SRMS: variants seen among roughly 807,000 people sequenced by gnomAD.
SRMS encodes tyrosine-protein kinase Srms.
Under a neutral mutation model 43.5 loss-of-function variants are expected in SRMS, and 42 were observed. That is an observed-to-expected ratio of 0.97 (90% confidence interval 0.75 to 1.25). The LOEUF (loss-of-function observed/expected upper bound fraction) is 1.25, where lower values mean the gene tolerates loss of function less well. Ranked by LOEUF, SRMS falls within the 50% of genes most tolerant of loss-of-function variation. The pLI is 0.00. For synonymous variants in SRMS, 316 were observed against 308.2 expected (o/e 1.03, Z -0.27); for missense variants, 703 against 681.0 (o/e 1.03, Z -0.36).
rs776455499 is a variant in SRMS at position 63,540,617 on chromosome 20, G to A, written c.*201C>T. Among the ~76,000 whole-genome samples, 3 of 152,206 alleles carry A rather than the reference G, an allele frequency of 2.0e-5. No homozygotes were observed. The highest frequency in any genetic ancestry group is 2.1e-4 in the South Asian group (1 of 4,832). On this transcript the variant is annotated 3_prime_UTR_variant, in exon 8 of 8. Coordinates refer to ENST00000217188, the MANE Select transcript of SRMS (RefSeq NM_080823.4). ...GTCAGCCCCAGCCCTCCGTCTGCAC[G>A]AGTCACACTGCACGGGGGACGTCAG... is the stretch of plus-strand genomic sequence containing the variant.
rs1021120043 is a variant in SRMS, at chr20:63,540,314, C to T, written c.*504G>A. Among the ~76,000 whole-genome samples, 1 of 152,182 alleles carries T rather than the reference C, an allele frequency of 6.6e-6. No homozygotes were observed. Among genetic ancestry groups the T allele is most frequent in the Non-Finnish European group, 1.5e-5 (1 of 68,028 alleles). On this transcript the variant is annotated 3_prime_UTR_variant, in exon 8 of 8. Transcript: ENST00000217188. ...TCAGCACTGGTCATTTCCACAAACC[C>T]AAGCTGGGACTAGGGAGAGAACTGG... is the stretch of plus-strand genomic sequence containing the variant.
At chr20:63,541,152 C>T in intron 7 of SRMS, 39 bp downstream of exon 7, 1 of 1,548,960 alleles carries the variant, frequency 6.5e-7, no homozygotes. Context: ...GACTCCTGGG[C>T]AGAGCCTGCA....
Position 63,540,823 on chromosome 20 carries a change from G to C in SRMS, c.1462C>G (p.Pro488Ala). The change falls in exon 8 of 8, where the codon CCC (proline) becomes GCC (alanine). Residue 488 changes from proline (P) to alanine (A), a missense_variant. Transcript: ENST00000217188. ...EKLHAIHRCH[P>A] ...GCGTTGGGTCACGTGAGGACTCAGG[G>C]GTGGCATCTGTGGATGGCGTGCAGC... 6.2e-7 allele frequency: 1 copy of C among 1,600,714 alleles called. No individual in the cohort carries two copies. The highest frequency in any genetic ancestry group is 1.1e-5 in the South Asian group (1 of 90,832).
chr20:63,539,936 C>T lies in SRMS; in HGVS notation c.*882G>A, dbSNP rs2082693352. On this transcript the variant is annotated 3_prime_UTR_variant, in exon 8 of 8. Transcript: ENST00000217188. The stretch of plus-strand genomic sequence containing the variant: ...CTTCCTGTGCCACCTGGAACCCACC[C>T]AGGGAGATGGAATCGGCAGCTCCTG... Among the ~76,000 whole-genome samples, 1 of 152,242 alleles carries T rather than the reference C, an allele frequency of 6.6e-6. No individual in the cohort carries two copies. Among genetic ancestry groups the T allele is most frequent in the Admixed American group, 6.5e-5 (1 of 15,290 alleles).
At position 63,542,572 on chromosome 20, in the gene SRMS, T is replaced by A. The variant is rs404613; in HGVS notation, c.655A>T (p.Arg219Trp). Reference protein sequence around the residue: ...LQPCMPQKAPRQDVWERPHSE... With the variant: ...LQPCMPQKAPWQDVWERPHSE... ...TGTGGCCGCTCCCACACGTCCTGCC[T>A]CGGGGCCTTCTGCAGGGAGGGTGGG... is the stretch of plus-strand genomic sequence containing the variant. The change falls in exon 4 of 8, where the codon AGG becomes TGG. Residue 219 changes from arginine to tryptophan, a missense_variant. By Grantham distance (101) the Arg-to-Trp change is moderately radical. Coordinates refer to ENST00000217188, the MANE Select transcript of SRMS (RefSeq NM_080823.4). The A allele has an allele frequency of 1.3e-6, 2 of 1,562,920 alleles. No individual in the cohort carries two copies. The highest frequency in any genetic ancestry group is 2.7e-5 in the African/African-American group (2 of 74,732).
intron 2 of SRMS, among the ~76,000 whole-genome samples, chr20:63,543,926 A>C (rs2082717318): frequency 6.6e-6 from 1 of 152,260 alleles, no homozygotes; most frequent in African/African-American, 2.4e-5. Flanking sequence ...TGAATGAGTG[A>C]ATTAGTGAGT....
intron 1 of SRMS, among the ~76,000 whole-genome samples, chr20:63,545,646 G>A (rs896015006): frequency 4.6e-5 from 7 of 152,204 alleles, no homozygotes; most frequent in African/African-American, 9.6e-5. Context: ...GACCAGGGCC[G>A]TGGGGCTGGG....
intron 7 of SRMS, 68 bp downstream of exon 7, chr20:63,541,123 G>A (rs1391586123): frequency 9.6e-6 from 15 of 1,554,592 alleles, no homozygotes; most frequent in South Asian, 2.4e-5. Context: ...TGCCGACAGC[G>A]TCCAGGCCCG....
Position 63,540,879 on chromosome 20 carries a change from T to A in SRMS, c.1406A>T (p.Glu469Val). The A allele has an allele frequency of 1.9e-6, 3 of 1,606,018 alleles. No individual in the cohort carries two copies. Among genetic ancestry groups the A allele is most frequent in the Non-Finnish European group, 2.5e-6 (3 of 1,179,386 alleles). The change falls in exon 8 of 8, where the codon GAA becomes GTA. Residue 469 changes from glutamate (E) to valine (V), a missense_variant. Glu to Val is a moderately radical substitution (Grantham distance 121). Coordinates refer to ENST00000217188, the MANE Select transcript of SRMS (RefSeq NM_080823.4). ...MLECWRSSPE[E>V]RPSFATLREK... is the part of the protein sequence containing the mutation. ...CCGCAGCGTGGCGAAGGAGGGCCGT[T>A]CCTCGGGGCTGCTCCTCCAGCACTC...
rs549248536 is a variant in SRMS, at chr20:63,547,441, C to G, written c.23G>C (p.Arg8Pro). Residue 8 changes from arginine (R) to proline (P), a missense_variant, in exon 1 of 8, where the codon CGG (arginine) becomes CCG (proline). Transcript: ENST00000217188. Reference sequence around the variant, plus strand: ...CCAGAAGAAGGACAGGAAGGCCAGCCGCCTCCTGAGGAACGGCTCCATCCC... The same window carrying G: ...CCAGAAGAAGGACAGGAAGGCCAGCGGCCTCCTGAGGAACGGCTCCATCCC... MEPFLRR[R>P]LAFLSFFWDK... 3.3e-6 allele frequency: 5 copies of G among 1,526,376 alleles called. No homozygotes were observed. The highest frequency in any genetic ancestry group is 4.4e-6 in the Non-Finnish European group (5 of 1,134,702). 94.6% of individuals were successfully genotyped at this position (1,526,376 alleles called of 1,614,324 possible). A position where few individuals can be genotyped will look rare whatever the true frequency, so the allele number is the denominator to read the frequency against.
chr20:63,546,093 G>C (rs2145986453), intron 1 of SRMS, among the ~76,000 whole-genome samples: 1 of 152,234 alleles, frequency 6.6e-6, no homozygotes, highest in South Asian at 2.1e-4. Context: ...CCTATGGACC[G>C]CCCTGCTCCA....
At chr20:63,545,268 C>T (rs1049271620) in intron 1 of SRMS, among the ~76,000 whole-genome samples, 1 of 152,216 alleles carries the variant, frequency 6.6e-6, no homozygotes, top group Non-Finnish European at 1.5e-5. Flanking sequence ...GTCTGCATAA[C>T]TCTGCTGCTG....
Position 63,544,212 on chromosome 20 carries a change from G to A in SRMS, c.478+15C>T, listed in dbSNP as rs1332089112. Reference sequence around the variant, plus strand: ...CCTGGTGGGGGACAGAGGCAGGAGGGGCCGCCCCAGGTACCTGACAGTGAG... The same window carrying A: ...CCTGGTGGGGGACAGAGGCAGGAGGAGCCGCCCCAGGTACCTGACAGTGAG... On this transcript the variant is annotated intron_variant, in intron 2 of 7. Transcript: ENST00000217188. 4 of 1,436,936 alleles carry A rather than the reference G, an allele frequency of 2.8e-6. No homozygotes were observed. The highest frequency in any genetic ancestry group is 3.0e-5 in the African/African-American group (2 of 67,156). 89.0% of individuals were successfully genotyped at this position (1,436,936 alleles called of 1,614,324 possible).
chr20:63,541,403 C>A (rs1332371037), intron 6 of SRMS, 36 bp downstream of exon 6: 2 of 1,565,132 alleles, frequency 1.3e-6, no homozygotes, highest in Non-Finnish European at 8.6e-7. Context: ...CCCTCACCCA[C>A]CCCCTCTGGG....
intron 3 of SRMS, among the ~76,000 whole-genome samples, chr20:63,542,939 C>G (rs974519421): frequency 3.9e-5 from 6 of 152,164 alleles, no homozygotes; most frequent in African/African-American, 1.4e-4. Context: ...TGTCTCCAGC[C>G]CAGGTGCAGC....
Position 63,540,710 on chromosome 20 carries a change from C to T in SRMS, c.*108G>A. ...TGTGCACGCCAGGGCCTGAGGCCCACAGCCAGAGGCTCCTCGGTCCGGCAG... is the reference window on the plus strand; with the variant it reads ...TGTGCACGCCAGGGCCTGAGGCCCATAGCCAGAGGCTCCTCGGTCCGGCAG... On this transcript the variant is annotated 3_prime_UTR_variant, in exon 8 of 8. Transcript: ENST00000217188. The T allele has an allele frequency of 1.4e-6, 2 of 1,408,350 alleles. No homozygotes were observed. Among genetic ancestry groups the T allele is most frequent in the Non-Finnish European group, 1.9e-6 (2 of 1,053,644 alleles). The allele number at this position is 1,408,350 out of a possible 1,614,324, so 87.2% of individuals were successfully genotyped here.
At position 63,541,694 on chromosome 20, in the gene SRMS, C is replaced by T. The variant is rs934411317; in HGVS notation, c.947-74G>A. On this transcript the variant is annotated intron_variant, in intron 5 of 7. Coordinates refer to ENST00000217188, the MANE Select transcript of SRMS (RefSeq NM_080823.4). ...TGAGGCCAGCGTCCACCCACGTCAC[C>T]TTCCCCCATGCCTCAGCCTCCTCAT... 2.0e-4 allele frequency: 287 copies of T among 1,417,128 alleles called. 1 individual carries two copies. Among genetic ancestry groups the T allele is most frequent in the Non-Finnish European group, 2.5e-4 (271 of 1,080,240 alleles). 87.8% of individuals were successfully genotyped at this position (1,417,128 alleles called of 1,614,324 possible). A position where few individuals can be genotyped will look rare whatever the true frequency, so the allele number is the denominator to read the frequency against.
chr20:63,547,629 GCACACGGTTCC>G lies in SRMS; in HGVS notation c.-177_-167del. The stretch of plus-strand genomic sequence containing the variant: ...CTCAGAGGTCCCCTGGATCCAGGAG[GCACACGGTTCC>G]CACCGGCGTCCGGGCTGGCGTTGGG... On this transcript the variant is annotated 5_prime_UTR_variant, in exon 1 of 8. Transcript: ENST00000217188. 1.6e-6 allele frequency: 1 copy of G among 634,908 alleles called. No homozygotes were observed. Among genetic ancestry groups the G allele is most frequent in the Non-Finnish European group, 2.5e-6 (1 of 398,058 alleles). The allele number at this position is 634,908 out of a possible 1,614,324, so 39.3% of individuals were successfully genotyped here.
rs4809579 is a variant in SRMS, at chr20:63,546,770, C to A, written c.356+338G>T. Among the ~76,000 whole-genome samples the A allele has an allele frequency of 6.7e-3, 1,026 of 152,318 alleles. 2 individuals are homozygous for A. Among genetic ancestry groups the A allele is most frequent in the Non-Finnish European group, 0.01 (688 of 68,020 alleles). ...GTGACCGATCCATGAACACTGGACT[C>A]CCTGTGTGAGGGCGGGAGGGCCTGG... On this transcript the variant is annotated intron_variant, in intron 1 of 7. Coordinates refer to ENST00000217188, the MANE Select transcript of SRMS (RefSeq NM_080823.4).
Sources: allele counts gnomAD v4.1 joint callset (sites outside exome capture counted in the v4.1 genomes callset), GRCh38; gene constraint gnomAD v4.1.1; transcripts MANE v1.5; gene names NCBI Gene and HGNC (gene_info 2026-07-23, HGNC 2026-07-21).